Variants in SGCD observed in about 807,000 individuals in gnomAD.
The protein encoded by SGCD is delta-sarcoglycan.
A neutral mutation model predicts 36.6 loss-of-function variants in SGCD; 18 were observed. That is an observed-to-expected ratio of 0.49 (90% CI 0.34 to 0.73). SGCD has a LOEUF of 0.73. Ranked by LOEUF, SGCD falls within the 30% of genes least tolerant of loss-of-function variation. The probability of loss-of-function intolerance (pLI) is 0.01; values close to 1 mark genes in which losing one functional copy is unlikely to be tolerated. For missense variants in SGCD, 387 were observed against 346.7 expected (o/e 1.12, Z -0.92); for synonymous variants, 133 against 130.6 (o/e 1.02, Z -0.12).
At chr5:156,090,892 GA>G (rs1008763437) in intron 1 of SGCD, among the ~76,000 whole-genome samples, 3 of 152,184 alleles carry the variant, frequency 2.0e-5, no homozygotes, top group African/African-American at 7.2e-5. Context: ...CCTGCCAGAA[GA>G]AAAATATGGC....
At chr5:156,478,690 C>T (rs905299726) in intron 3 of SGCD, among the ~76,000 whole-genome samples, 1 of 152,194 alleles carries the variant, frequency 6.6e-6, no homozygotes, top group Non-Finnish European at 1.5e-5. Flanking sequence ...AAGCAATTCT[C>T]CTGCCTCAGC....
rs184715493 is a variant in SGCD, at chr5:156,440,679, G to T, written c.193-67922G>T. Among the ~76,000 whole-genome samples the T allele has an allele frequency of 5.8e-4, 88 of 152,000 alleles. 1 individual carries two copies. The highest frequency in any genetic ancestry group is 4.3e-3 in the Admixed American group (65 of 15,232). On this transcript the variant is annotated intron_variant, in intron 3 of 8. Coordinates refer to ENST00000337851, the MANE Select transcript of SGCD (RefSeq NM_000337.6). ...AGTGGGTGTGAAGTGGTACTTCATT[G>T]TGTTTTGATTTGCATTTCCCTATTG...
chr5:156,696,915 A>AACACACACACACACACAC (rs57963416), intron 7 of SGCD, among the ~76,000 whole-genome samples: 5 of 145,060 alleles, frequency 3.4e-5, no homozygotes, highest in African/African-American at 1.3e-4. Context: ...CCTTACACAC[A>AACACACACACACACACAC]ACACACACAC....
chr5:156,594,964 T>G lies in SGCD; in HGVS notation c.415T>G (p.Phe139Val). The change falls in exon 6 of 9, where the codon TTT (phenylalanine) becomes GTT (valine). Residue 139 changes from phenylalanine (F) to valine (V), a missense_variant. Transcript: ENST00000337851. The stretch of plus-strand genomic sequence containing the variant: ...AGCCGTAGAAGCTTATGGTAAAAAA[T>G]TTGAGGTAAAAACTGTTTCTGGAAA... The part of the protein sequence containing the change: ...PKAVEAYGKK[F>V]EVKTVSGKLL... 3 of 1,611,702 alleles carry G rather than the reference T, an allele frequency of 1.9e-6. No individual in the cohort carries two copies. The highest frequency in any genetic ancestry group is 2.5e-6 in the Non-Finnish European group (3 of 1,178,500).
chr5:156,509,548 G>C (rs1756846170), intron 4 of SGCD, among the ~76,000 whole-genome samples: 1 of 152,184 alleles, frequency 6.6e-6, no homozygotes, highest in East Asian at 1.9e-4. Flanking sequence ...ATCTAATTTA[G>C]TTCACAGATT....
chr5:156,226,242 C>T (rs971490577), intron 3 of SGCD, among the ~76,000 whole-genome samples: 1 of 152,012 alleles, frequency 6.6e-6, no homozygotes, highest in African/African-American at 2.4e-5. Flanking sequence ...CCCCTGAGTC[C>T]GCAAAGTCCA....
At chr5:155,951,630 TTTCTG>T (rs1757550678) in intron 1 of SGCD, among the ~76,000 whole-genome samples, 1 of 152,140 alleles carries the variant, frequency 6.6e-6, no homozygotes, top group Non-Finnish European at 1.5e-5. Flanking sequence ...TATGTGCACT[TTTCTG>T]TATGTATATT....
chr5:156,457,115 A>G (rs1041553808), intron 3 of SGCD, among the ~76,000 whole-genome samples: 4 of 152,158 alleles, frequency 2.6e-5, no homozygotes, highest in Admixed American at 6.5e-5. Flanking sequence ...TTGCTTTCCC[A>G]TGTGTGAAAA....
chr5:155,841,392 A>G, the SGCD span, among the ~76,000 whole-genome samples: 1 of 152,174 alleles, frequency 6.6e-6, no homozygotes, highest in Non-Finnish European at 1.5e-5. Context: ...TTTGCTAACA[A>G]CCTTCTCAAA....
chr5:156,319,711 A>G (rs1266469508), intron 3 of SGCD, among the ~76,000 whole-genome samples: 1 of 152,182 alleles, frequency 6.6e-6, no homozygotes, highest in Non-Finnish European at 1.5e-5. Flanking sequence ...CTTTTGCCCA[A>G]TTCCTCTATT....
At chr5:156,564,204 C>T (rs1474558802) in intron 4 of SGCD, among the ~76,000 whole-genome samples, 3 of 152,190 alleles carry the variant, frequency 2.0e-5, no homozygotes, top group Admixed American at 6.5e-5. Flanking sequence ...AATCCCAGCA[C>T]TTTGGGAGGC....
At chr5:156,644,580 A>G (rs1463745458) in intron 6 of SGCD, among the ~76,000 whole-genome samples, 2 of 151,870 alleles carry the variant, frequency 1.3e-5, no homozygotes, top group Non-Finnish European at 2.9e-5. Context: ...AATGTTTCGC[A>G]ATTTCCTTTC....
At chr5:155,856,164 A>G in the SGCD span, among the ~76,000 whole-genome samples, 1 of 151,820 alleles carries the variant, frequency 6.6e-6, no homozygotes, top group African/African-American at 2.4e-5. Context: ...ACACACACAT[A>G]CATACATATA....
At chr5:156,375,213 C>G (rs776887351) in intron 3 of SGCD, among the ~76,000 whole-genome samples, 15 of 152,054 alleles carry the variant, frequency 9.9e-5, no homozygotes, top group Non-Finnish European at 2.1e-4. Flanking sequence ...TTTTAAAAAA[C>G]GATCTGAAGG....
At chr5:156,592,484 C>A (rs901531169) in intron 5 of SGCD, among the ~76,000 whole-genome samples, 1 of 152,148 alleles carries the variant, frequency 6.6e-6, no homozygotes, top group African/African-American at 2.4e-5. Flanking sequence ...TCAGCTCTTT[C>A]AAGATTTCCT....
upstream of SGCD, among the ~76,000 whole-genome samples, chr5:156,322,866 G>A (rs1287617754): frequency 3.3e-5 from 5 of 152,162 alleles, no homozygotes; most frequent in Non-Finnish European, 7.3e-5. Context: ...AAGATTTGAG[G>A]TCAAAGAGTT....
intron 3 of SGCD, among the ~76,000 whole-genome samples, chr5:156,354,546 C>T (rs1447378139): frequency 2.0e-5 from 3 of 152,146 alleles, no homozygotes; most frequent in Non-Finnish European, 2.9e-5. Flanking sequence ...TTTCCACTTA[C>T]GAGAGTTTTC....
chr5:156,084,579 C>CT (rs1761049140), intron 1 of SGCD, among the ~76,000 whole-genome samples: 1 of 124,068 alleles, frequency 8.1e-6, no homozygotes, highest in African/African-American at 3.2e-5. Context: ...CTCATATATT[C>CT]TAAGATTTTT....
At chr5:156,196,362 C>T (rs968935308) in intron 3 of SGCD, among the ~76,000 whole-genome samples, 1 of 152,140 alleles carries the variant, frequency 6.6e-6, no homozygotes, top group African/African-American at 2.4e-5. Context: ...TTTAACATAC[C>T]AAATGCAGCC....
Sources: gnomAD v4.1 joint callset for allele counts (sites outside exome capture counted in the v4.1 genomes callset) on GRCh38, gnomAD v4.1.1 for gene constraint, MANE v1.5 for transcripts, NCBI Gene and HGNC (gene_info 2026-07-23, HGNC 2026-07-21) for gene names.